SUGCT: variants seen among roughly 807,000 people sequenced by gnomAD.
SUGCT encodes the protein succinyl-CoA:glutarate-CoA transferase, also known as succinyl-CoA:glutarate CoA-transferase.
A neutral mutation model predicts 55.0 loss-of-function variants in SUGCT; 41 were observed. That is an observed-to-expected ratio of 0.74 (90% CI 0.58 to 0.97). The LOEUF is 0.97. Among genes scored for constraint, SUGCT ranks in the 50% least tolerant of loss-of-function variants. SUGCT has a pLI of 0.00. For synonymous variants in SUGCT, 187 were observed against 200.4 expected (o/e 0.93, Z 0.56); for missense variants, 568 against 547.8 (o/e 1.04, Z -0.37).
intron 12 of SUGCT, among the ~76,000 whole-genome samples, chr7:40,628,727 C>CTGTGTGTG (rs111460243): frequency 2.7e-5 from 4 of 147,528 alleles, no homozygotes; most frequent in African/African-American, 5.0e-5. Flanking sequence ...GTGTTTTGTT[C>CTGTGTGTG]TGTGTGTGTG....
intron 8 of SUGCT, among the ~76,000 whole-genome samples, chr7:40,308,241 G>T (rs1349581998): frequency 6.6e-6 from 1 of 152,158 alleles, no homozygotes; most frequent in Non-Finnish European, 1.5e-5. Context: ...GGTGAAAGGG[G>T]CAGGGAGCAG....
chr7:40,938,679 AT>A, the SUGCT span, among the ~76,000 whole-genome samples: 1 of 152,118 alleles, frequency 6.6e-6, no homozygotes, highest in Non-Finnish European at 1.5e-5. Flanking sequence ...CTAATACTGT[AT>A]CAGTCCATTT....
chr7:40,493,670 C>T (rs530643280), intron 11 of SUGCT, among the ~76,000 whole-genome samples: 4 of 152,070 alleles, frequency 2.6e-5, no homozygotes, highest in Admixed American at 6.5e-5. Context: ...CAGTGAAGGC[C>T]CTAGGTTCAC....
At chr7:40,962,565 T>TCACACACACACACACATA in the SUGCT span, among the ~76,000 whole-genome samples, 1 of 136,030 alleles carries the variant, frequency 7.4e-6, no homozygotes, top group African/African-American at 2.8e-5. Flanking sequence ...CAAAGGTAAA[T>TCACACACACACACACATA]CACACACACA....
At chr7:40,858,148 A>ATAAAG (rs1189284428) in intron 13 of SUGCT, among the ~76,000 whole-genome samples, 1 of 152,182 alleles carries the variant, frequency 6.6e-6, no homozygotes, top group Non-Finnish European at 1.5e-5. Flanking sequence ...GTATTAATAC[A>ATAAAG]TAAAGCCTTT....
intron 12 of SUGCT, among the ~76,000 whole-genome samples, chr7:40,518,614 C>T (rs893622644): frequency 6.6e-6 from 1 of 152,038 alleles, no homozygotes; most frequent in Non-Finnish European, 1.5e-5. Flanking sequence ...AGTTGTATCC[C>T]AGATGTCAGG....
the SUGCT span, among the ~76,000 whole-genome samples, chr7:40,870,345 G>A: frequency 6.6e-6 from 1 of 152,098 alleles, no homozygotes; most frequent in African/African-American, 2.4e-5. Flanking sequence ...ACAGACAGTG[G>A]TGTAACATCT....
intron 13 of SUGCT, among the ~76,000 whole-genome samples, chr7:40,754,691 G>A (rs1032805589): frequency 2.6e-5 from 4 of 152,220 alleles, no homozygotes; most frequent in African/African-American, 9.6e-5. Context: ...TCTGAGAAGT[G>A]AAATGTATGC....
chr7:40,930,926 C>G, the SUGCT span, among the ~76,000 whole-genome samples: 2 of 152,124 alleles, frequency 1.3e-5, no homozygotes, highest in Admixed American at 1.3e-4. Context: ...TTTCTCTTGC[C>G]TGATTACCCA....
At chr7:40,403,937 A>G (rs1402037499) in intron 9 of SUGCT, among the ~76,000 whole-genome samples, 1 of 152,190 alleles carries the variant, frequency 6.6e-6, no homozygotes, top group Non-Finnish European at 1.5e-5. Context: ...AATGTAATCA[A>G]TCTAGATGAA....
chr7:40,207,600 C>T (rs766942192), intron 6 of SUGCT, among the ~76,000 whole-genome samples: 1 of 152,124 alleles, frequency 6.6e-6, no homozygotes, highest in Non-Finnish European at 1.5e-5. Flanking sequence ...GTGGGTCACT[C>T]GATGCCAGAA....
chr7:40,955,959 T>C, the SUGCT span, among the ~76,000 whole-genome samples: 1 of 152,246 alleles, frequency 6.6e-6, no homozygotes, highest in African/African-American at 2.4e-5. Context: ...TGACCAGCCT[T>C]GTATCACAGG....
At chr7:40,217,236 G>T (rs1174291301) in intron 6 of SUGCT, among the ~76,000 whole-genome samples, 2 of 151,700 alleles carry the variant, frequency 1.3e-5, no homozygotes, top group Admixed American at 1.3e-4. Flanking sequence ...TTAAGACAGG[G>T]TCTCACTCTG....
At chr7:40,322,665 A>G (rs762283419) in intron 9 of SUGCT, among the ~76,000 whole-genome samples, 2 of 152,178 alleles carry the variant, frequency 1.3e-5, no homozygotes, top group Non-Finnish European at 2.9e-5. Flanking sequence ...CCTTTCCTTA[A>G]AAAGACTACC....
chr7:40,628,042 AGG>A (rs1000898824), intron 12 of SUGCT, among the ~76,000 whole-genome samples: 11 of 152,338 alleles, frequency 7.2e-5, no homozygotes, highest in African/African-American at 2.4e-4. Flanking sequence ...ATTGTGCAGT[AGG>A]GTCCCCCCTT....
intron 12 of SUGCT, among the ~76,000 whole-genome samples, chr7:40,626,166 T>G (rs1038852557): frequency 6.6e-6 from 1 of 152,158 alleles, no homozygotes. Flanking sequence ...CCATTCTACC[T>G]TCCAGCACTC....
chr7:40,566,097 G>A (rs969846303), intron 12 of SUGCT, among the ~76,000 whole-genome samples: 1 of 152,096 alleles, frequency 6.6e-6, no homozygotes, highest in East Asian at 1.9e-4. Flanking sequence ...TTTGTTGAAT[G>A]ACTCTGCTTC....
At chr7:40,821,096 G>C (rs1268775849) in intron 13 of SUGCT, among the ~76,000 whole-genome samples, 1 of 152,204 alleles carries the variant, frequency 6.6e-6, no homozygotes, top group East Asian at 1.9e-4. Context: ...AGCCAACCTT[G>C]CATCCCAGGG....
intron 13 of SUGCT, among the ~76,000 whole-genome samples, chr7:40,851,387 C>T (rs113163180): frequency 6.8e-4 from 104 of 152,220 alleles, no homozygotes; most frequent in African/African-American, 2.4e-3. Context: ...CATCTCATGT[C>T]GGGTGAGGTA....
Sources: gnomAD v4.1 joint callset for allele counts (sites outside exome capture counted in the v4.1 genomes callset) on GRCh38, gnomAD v4.1.1 for gene constraint, MANE v1.5 for transcripts, NCBI Gene and HGNC (gene_info 2026-07-23, HGNC 2026-07-21) for gene names.